Variants in CHST11 observed in about 807,000 individuals in gnomAD.
CHST11 encodes the protein C4S-1.
In CHST11, 9 loss-of-function variants were observed where a neutral mutation model predicts 30.4. The ratio of observed to expected loss-of-function variants is 0.30; its 90% CI spans 0.18 to 0.52. The LOEUF (loss-of-function observed/expected upper bound fraction) is 0.52, where lower values mean the gene tolerates loss of function less well. Ranked by LOEUF, CHST11 falls within the 20% of genes least tolerant of loss-of-function variation. The pLI is 0.97. For synonymous variants in CHST11, 152 were observed against 187.8 expected, an observed-to-expected ratio of 0.81 and a Z score of 1.56; for missense variants, 348 against 460.6, an observed-to-expected ratio of 0.76 and a Z score of 2.24.
chr12:104,499,685 C>CA (rs1039325172), intron 1 of CHST11, among the ~76,000 whole-genome samples: 12 of 150,132 alleles, frequency 8.0e-5, no homozygotes, highest in South Asian at 2.1e-4. Context: ...GAGTTCACAC[C>CA]AAAAAAAAAG....
chr12:104,724,783 A>C (rs2040204376), intron 2 of CHST11, among the ~76,000 whole-genome samples: 1 of 152,210 alleles, frequency 6.6e-6, no homozygotes, highest in Admixed American at 6.5e-5. Flanking sequence ...ACGTTAGAGT[A>C]AGATGGACTG....
chr12:104,640,138 A>G (rs1398487548), intron 2 of CHST11, among the ~76,000 whole-genome samples: 2 of 152,260 alleles, frequency 1.3e-5, no homozygotes, highest in Non-Finnish European at 2.9e-5. Context: ...GAAATGCAAA[A>G]TGATACAGCC....
At position 104,478,482 on chromosome 12, in the gene CHST11, G is replaced by A. The variant is rs550510533; in HGVS notation, c.118+20953G>A. Among the ~76,000 whole-genome samples the A allele has an allele frequency of 3.9e-5, 6 of 152,210 alleles. No individual in the cohort carries two copies. In the South Asian group the frequency reaches 1.2e-3, roughly 32 times the overall value. On this transcript the variant is annotated intron_variant, in intron 1 of 2. Coordinates refer to ENST00000303694, the MANE Select transcript of CHST11 (RefSeq NM_018413.6). The stretch of plus-strand genomic sequence containing the variant: ...ACCCCTTCCCCATAGTCTCTTTTAT[G>A]TACACCCTGACTTCCCAGCAGCAGA...
At chr12:104,592,227 G>T (rs1336423604) in intron 1 of CHST11, among the ~76,000 whole-genome samples, 3 of 151,776 alleles carry the variant, frequency 2.0e-5, no homozygotes, top group Non-Finnish European at 4.4e-5. Flanking sequence ...TACCCCACTG[G>T]CCAGGAGGAT....
intron 1 of CHST11, among the ~76,000 whole-genome samples, chr12:104,520,300 G>C (rs1177291849): frequency 6.6e-6 from 1 of 152,188 alleles, no homozygotes; most frequent in African/African-American, 2.4e-5. Flanking sequence ...TAAGCTAATG[G>C]AGAAGTAAAT....
In CHST11 at chr12:104,709,325, A is replaced by C. The variant is rs550959340; in HGVS notation, c.205-47624A>C. Among the ~76,000 whole-genome samples the C allele has an allele frequency of 1.1e-4, 16 of 152,298 alleles. No individual in the cohort carries two copies. In the South Asian group the frequency reaches 2.7e-3, roughly 26 times the overall value. On this transcript the variant is annotated intron_variant, in intron 2 of 2. Coordinates refer to ENST00000303694, the MANE Select transcript of CHST11 (RefSeq NM_018413.6). ...CCTCCTGTCATCAGGTAGCAAGTAC[A>C]TGAGGCTCTGATAGGAGCCAGGCAT...
intron 1 of CHST11, among the ~76,000 whole-genome samples, chr12:104,475,657 A>ATT (rs199799107): frequency 0.066 from 362 of 5,468 alleles, 8 homozygotes; most frequent in African/African-American, 0.12. Flanking sequence ...GTAAAGCAGC[A>ATT]TTATATATAT....
intron 1 of CHST11, among the ~76,000 whole-genome samples, chr12:104,528,424 T>G (rs2038149173): frequency 6.6e-6 from 1 of 152,216 alleles, no homozygotes; most frequent in Admixed American, 6.5e-5. Context: ...TAAATTTCAA[T>G]GAAACTGGCG....
chr12:104,596,499 C>A (rs751341040), intron 1 of CHST11, among the ~76,000 whole-genome samples: 29 of 152,156 alleles, frequency 1.9e-4, no homozygotes, highest in Non-Finnish European at 2.9e-4. Context: ...AGGGTAAAAG[C>A]GTCTTTTACT....
At chr12:104,478,512 C>T (rs146749303) in intron 1 of CHST11, among the ~76,000 whole-genome samples, 20 of 152,200 alleles carry the variant, frequency 1.3e-4, no homozygotes, top group Non-Finnish European at 2.4e-4. Flanking sequence ...AGCAGAGTGC[C>T]GAGATGGAAG....
intron 2 of CHST11, among the ~76,000 whole-genome samples, chr12:104,655,646 A>G (rs2039537085): frequency 1.3e-5 from 2 of 152,212 alleles, no homozygotes. Flanking sequence ...TAACAGAGAA[A>G]CAGTGTTACG....
At chr12:104,666,144 T>C (rs2039641348) in intron 2 of CHST11, among the ~76,000 whole-genome samples, 1 of 152,112 alleles carries the variant, frequency 6.6e-6, no homozygotes, top group South Asian at 2.1e-4. Context: ...TTATTTAGAC[T>C]ATCATGTATA....
chr12:104,754,293 C>T (rs1185464042), intron 2 of CHST11, among the ~76,000 whole-genome samples: 1 of 152,190 alleles, frequency 6.6e-6, no homozygotes, highest in East Asian at 1.9e-4. Flanking sequence ...TGCTGGGCAA[C>T]AAATCACCCC....
At chr12:104,603,820 T>G (rs1211171074) in intron 2 of CHST11, among the ~76,000 whole-genome samples, 3 of 152,226 alleles carry the variant, frequency 2.0e-5, no homozygotes, top group African/African-American at 7.2e-5. Flanking sequence ...CTCTGAGATT[T>G]CTTTCCTTGA....
intron 1 of CHST11, among the ~76,000 whole-genome samples, chr12:104,483,502 G>A (rs929560358): frequency 6.6e-6 from 1 of 152,046 alleles, no homozygotes; most frequent in East Asian, 1.9e-4. Context: ...CACCGTGCCC[G>A]GCCTCCCCAT....
At chr12:104,659,793 C>T (rs1358114948) in intron 2 of CHST11, among the ~76,000 whole-genome samples, 1 of 150,802 alleles carries the variant, frequency 6.6e-6, no homozygotes, top group Admixed American at 6.6e-5. Context: ...TAGTGAGACC[C>T]CCCCCCGCCC....
chr12:104,525,448 A>G (rs116495917), intron 1 of CHST11, among the ~76,000 whole-genome samples: 1 of 152,252 alleles, frequency 6.6e-6, no homozygotes, highest in Non-Finnish European at 1.5e-5. Context: ...AGGACAGGCC[A>G]TTAAAATTCA....
At chr12:104,660,503 G>A (rs2039589488) in intron 2 of CHST11, among the ~76,000 whole-genome samples, 1 of 152,178 alleles carries the variant, frequency 6.6e-6, no homozygotes, top group Admixed American at 6.5e-5. Flanking sequence ...TTTGTATGGA[G>A]GACATGAAAG....
In CHST11 at chr12:104,576,203, C is replaced by G. The variant is rs531165976; in HGVS notation, c.119-25703C>G. 1.9e-4 allele frequency among the ~76,000 whole-genome samples: 29 copies of G among 152,170 alleles called. 1 individual carries two copies. The highest frequency in any genetic ancestry group is 1.2e-3 in the East Asian group (6 of 5,116). On this transcript the variant is annotated intron_variant, in intron 1 of 2. Coordinates refer to ENST00000303694, the MANE Select transcript of CHST11 (RefSeq NM_018413.6). ...AGCCTACTGTGTCCTCCCAGGAACTCTATGAACTAAGTACTGTGTTTATTC... is the reference window on the plus strand; with the variant it reads ...AGCCTACTGTGTCCTCCCAGGAACTGTATGAACTAAGTACTGTGTTTATTC...
Sources: allele counts gnomAD v4.1 joint callset (sites outside exome capture counted in the v4.1 genomes callset), GRCh38; gene constraint gnomAD v4.1.1; transcripts MANE v1.5; gene names NCBI Gene and HGNC (gene_info 2026-07-23, HGNC 2026-07-21).